The following MRTFA variants were observed in gnomAD, a reference collection of about 807,000 sequenced individuals.
The protein encoded by MRTFA is myocardin related transcription factor A, also known as myocardin-related transcription factor A.
A neutral mutation model predicts 83.5 loss-of-function variants in MRTFA; 20 were observed. The ratio of observed to expected loss-of-function variants is 0.24; its 90% CI spans 0.17 to 0.35. The LOEUF (loss-of-function observed/expected upper bound fraction) is 0.35, where lower values mean the gene tolerates loss of function less well. Among genes scored for constraint, MRTFA ranks in the 10% least tolerant of loss-of-function variants. The pLI is 1.00. For missense variants in MRTFA, 1,200 were observed against 1,224.7 expected (o/e 0.98, Z 0.30); for synonymous variants, 659 against 541.2 (o/e 1.22, Z -3.02).
intron 5 of MRTFA, chr22:40,433,659 C>A (rs2147097926): frequency 6.6e-6 from 1 of 152,402 alleles, no homozygotes; most frequent in Admixed American, 6.5e-5. Flanking sequence ...AATGAAACTT[C>A]TCTTGAATAC....
intron 5 of MRTFA, chr22:40,433,340 A>G (rs1349453998): frequency 6.6e-6 from 1 of 152,294 alleles, no homozygotes; most frequent in Non-Finnish European, 1.5e-5. Context: ...CTGAGGGAAC[A>G]AAATCAGTTT....
chr22:40,461,488 T>C (rs2053711120), intron 4 of MRTFA, among the ~76,000 whole-genome samples: 1 of 150,048 alleles, frequency 6.7e-6, no homozygotes, highest in Non-Finnish European at 1.5e-5. Flanking sequence ...CCCCATCTCT[T>C]AAAAATTAAA....
chr22:40,480,818 C>G (rs185645965), intron 3 of MRTFA, among the ~76,000 whole-genome samples: 2,582 of 148,562 alleles, frequency 0.017, 29 homozygotes, highest in Non-Finnish European at 0.028. Context: ...GCGCGATCTC[C>G]GCTCACTGCA....
Position 40,421,095 on chromosome 22 carries a change from G to C in MRTFA, c.933C>G (p.Ser311Arg). 2.0e-6 allele frequency: 3 copies of C among 1,530,872 alleles called. No individual in the cohort carries two copies. The highest frequency in any genetic ancestry group is 1.8e-6 in the Non-Finnish European group (2 of 1,137,340). 94.8% of individuals were successfully genotyped at this position (1,530,872 alleles called of 1,614,324 possible). Reference sequence around the variant, plus strand: ...ACTTCTCACTGGCAGACTTGGGTTGGCTTTGCTGAGGGCACAGGAGACAGG... The same window carrying C: ...ACTTCTCACTGGCAGACTTGGGTTGCCTTTGCTGAGGGCACAGGAGACAGG... The change falls in exon 10 of 15, where the codon AGC (serine) becomes AGG (arginine). Residue 311 changes from serine (S) to arginine (R), a missense_variant. Coordinates refer to ENST00000355630, the MANE Select transcript of MRTFA (RefSeq NM_020831.6).
intron 4 of MRTFA, among the ~76,000 whole-genome samples, chr22:40,457,259 G>A (rs1254722155): frequency 6.6e-6 from 1 of 151,924 alleles, no homozygotes. Flanking sequence ...GAGCTACTTG[G>A]GAGGCTGAGG....
intron 2 of MRTFA, among the ~76,000 whole-genome samples, chr22:40,592,492 C>CTT (rs978906466): frequency 2.3e-5 from 3 of 130,056 alleles, no homozygotes; most frequent in Non-Finnish European, 1.7e-5. Flanking sequence ...TTTTTTTTTT[C>CTT]TTTTTTTTTT....
intron 2 of MRTFA, among the ~76,000 whole-genome samples, chr22:40,559,267 T>C (rs577687682): frequency 6.6e-6 from 1 of 152,106 alleles, no homozygotes; most frequent in Non-Finnish European, 1.5e-5. Flanking sequence ...GCGTCTGCAG[T>C]CTCAGCTACT....
At chr22:40,448,332 G>A (rs969657075) in intron 4 of MRTFA, among the ~76,000 whole-genome samples, 6 of 150,696 alleles carry the variant, frequency 4.0e-5, no homozygotes, top group Admixed American at 1.3e-4. Flanking sequence ...AAATTAGCTG[G>A]GTGTGGTGGC....
intron 12 of MRTFA, 98 bp from the exon 13 acceptor site, chr22:40,417,591 C>T (rs928883138): frequency 7.7e-6 from 6 of 778,204 alleles, no homozygotes; most frequent in Non-Finnish European, 1.2e-5. Flanking sequence ...CAGGGCCTCT[C>T]ACACTCTAGG....
chr22:40,561,095 T>C (rs2055607965), intron 2 of MRTFA, among the ~76,000 whole-genome samples: 2 of 152,114 alleles, frequency 1.3e-5, no homozygotes, highest in African/African-American at 2.4e-5. Flanking sequence ...TTAATTCTCA[T>C]TGATTTATTT....
chr22:40,610,858 A>C (rs1388202004), intron 1 of MRTFA, among the ~76,000 whole-genome samples: 1 of 151,944 alleles, frequency 6.6e-6, no homozygotes, highest in Non-Finnish European at 1.5e-5. Context: ...GCATTAAAGG[A>C]AGAGGTGAGT....
At chr22:40,567,320 T>C (rs2055719901) in intron 2 of MRTFA, among the ~76,000 whole-genome samples, 1 of 152,224 alleles carries the variant, frequency 6.6e-6, no homozygotes, top group South Asian at 2.1e-4. Context: ...CCTTTTTCTA[T>C]GGTGTTCAAA....
At chr22:40,420,332 A>G in intron 11 of MRTFA, 73 bp downstream of exon 11, 1 of 1,539,308 alleles carries the variant, frequency 6.5e-7, no homozygotes, top group Non-Finnish European at 8.8e-7. Flanking sequence ...CCCTGCCTAA[A>G]AACCAGCACC....
intron 3 of MRTFA, among the ~76,000 whole-genome samples, chr22:40,551,096 C>T (rs748037216): frequency 1.4e-4 from 22 of 151,864 alleles, no homozygotes; most frequent in African/African-American, 2.4e-4. Context: ...GGGATCCGCC[C>T]GCCTCGGCCT....
At chr22:40,471,592 A>C (rs2053915475) in intron 3 of MRTFA, among the ~76,000 whole-genome samples, 1 of 152,178 alleles carries the variant, frequency 6.6e-6, no homozygotes, top group South Asian at 2.1e-4. Flanking sequence ...ATACTTAAGA[A>C]TTAATACTGG....
At chr22:40,441,616 C>T (rs1344523166) in intron 4 of MRTFA, among the ~76,000 whole-genome samples, 1 of 151,954 alleles carries the variant, frequency 6.6e-6, no homozygotes, top group East Asian at 1.9e-4. Flanking sequence ...GAAACCACCC[C>T]CCACTACTAA....
intron 1 of MRTFA, among the ~76,000 whole-genome samples, chr22:40,634,560 G>A (rs918146881): frequency 5.9e-5 from 9 of 152,116 alleles, no homozygotes; most frequent in Admixed American, 2.6e-4. Context: ...ATTTCAGCGC[G>A]TTACAATCAT....
chr22:40,600,947 C>T (rs2056252332), intron 1 of MRTFA, among the ~76,000 whole-genome samples: 1 of 152,120 alleles, frequency 6.6e-6, no homozygotes, highest in Admixed American at 6.6e-5. Context: ...TGTACTCCAG[C>T]CTGGGTGACA....
intron 3 of MRTFA, among the ~76,000 whole-genome samples, chr22:40,547,014 G>A (rs1228070943): frequency 2.6e-5 from 4 of 152,004 alleles, no homozygotes; most frequent in Admixed American, 1.3e-4. Context: ...AATTAGCCTG[G>A]CGTGGTGGTA....
Sources: allele counts gnomAD v4.1 joint callset (sites outside exome capture counted in the v4.1 genomes callset), GRCh38; gene constraint gnomAD v4.1.1; transcripts MANE v1.5; gene names NCBI Gene and HGNC (gene_info 2026-07-23, HGNC 2026-07-21).